The following SH3TC2 variants were observed in gnomAD, a reference collection of about 807,000 sequenced individuals.
SH3TC2 encodes SH3 domain and tetratricopeptide repeat-containing protein 2.
A neutral mutation model predicts 124.5 loss-of-function variants in SH3TC2; 87 were observed. The ratio of observed to expected loss-of-function variants is 0.70; its 90% CI spans 0.59 to 0.84. SH3TC2 has a LOEUF of 0.84. SH3TC2 is among the 40% of genes least tolerant of loss of function. The probability of loss-of-function intolerance (pLI) is 0.00; values close to 1 mark genes in which losing one functional copy is unlikely to be tolerated. For synonymous variants in SH3TC2, 634 were observed against 628.5 expected, an observed-to-expected ratio of 1.01 and a Z score of -0.13; for missense variants, 1,536 against 1,566.4, an observed-to-expected ratio of 0.98 and a Z score of 0.33.
In SH3TC2 at chr5:148,997,279, T is replaced by C. The variant is rs1753527118; in HGVS notation, c.*7432A>G. 6.6e-6 allele frequency among the ~76,000 whole-genome samples: 1 copy of C among 152,220 alleles called. No homozygotes were observed. The highest frequency in any genetic ancestry group is 2.1e-4 in the South Asian group (1 of 4,832). On this transcript the variant is annotated 3_prime_UTR_variant, in exon 17 of 17. Coordinates refer to ENST00000515425, the MANE Select transcript of SH3TC2 (RefSeq NM_024577.4). ...TTCTACGATTGGCTCTGGAGTCTCTTGCAAGTTTCCCTCATTCACCTCACT... is the reference window on the plus strand; with the variant it reads ...TTCTACGATTGGCTCTGGAGTCTCTCGCAAGTTTCCCTCATTCACCTCACT...
In SH3TC2 at chr5:148,982,651, T is replaced by C. The variant is rs2127386350; in HGVS notation, c.*22060A>G. On this transcript the variant is annotated 3_prime_UTR_variant, in exon 17 of 17. Transcript: ENST00000515425. The stretch of plus-strand genomic sequence containing the variant: ...TAAGCAAGGTACAAAGCAGAGTGTA[T>C]AGTATGCTATAATATTTAAAATGGC... Among the ~76,000 whole-genome samples, 1 of 152,310 alleles carries C rather than the reference T, an allele frequency of 6.6e-6. No homozygotes were observed. Among genetic ancestry groups the C allele is most frequent in the African/African-American group, 2.4e-5 (1 of 41,558 alleles).
chr5:149,038,614 C>T, intron 7 of SH3TC2, 124 bp from the exon 8 acceptor site: 2 of 1,031,390 alleles, frequency 1.9e-6, no homozygotes, highest in Non-Finnish European at 3.0e-6. Context: ...AGTAACATTT[C>T]ACTCCCCTCC....
chr5:149,037,417 TCTC>T (rs1198292774), intron 8 of SH3TC2, among the ~76,000 whole-genome samples: 2 of 152,130 alleles, frequency 1.3e-5, no homozygotes, highest in African/African-American at 4.8e-5. Context: ...TAACCTTCTG[TCTC>T]CTCCTCTCCC....
chr5:148,992,876 G>T lies in SH3TC2; in HGVS notation c.*11835C>A, dbSNP rs1426610964. Among the ~76,000 whole-genome samples, 1 of 152,270 alleles carries T rather than the reference G, an allele frequency of 6.6e-6. No individual in the cohort carries two copies. Among genetic ancestry groups the T allele is most frequent in the African/African-American group, 2.4e-5 (1 of 41,544 alleles). On this transcript the variant is annotated 3_prime_UTR_variant, in exon 17 of 17. Transcript: ENST00000515425. ...ATAACATGCACAGCTCATAGGGTTT[G>T]GGTATGGCTTGGAAAATCATCATGC...
In SH3TC2 at chr5:148,998,141, C is replaced by G. The variant is rs1753540972; in HGVS notation, c.*6570G>C. On this transcript the variant is annotated 3_prime_UTR_variant, in exon 17 of 17. Coordinates refer to ENST00000515425, the MANE Select transcript of SH3TC2 (RefSeq NM_024577.4). ...AGAATGTTTTTAAAAATGAATAGAA[C>G]AAAACAGAATGTATGAGTGCATTTC... Among the ~76,000 whole-genome samples the G allele has an allele frequency of 6.6e-6, 1 of 151,918 alleles. No homozygotes were observed. Among genetic ancestry groups the G allele is most frequent in the Admixed American group, 6.6e-5 (1 of 15,266 alleles).
At chr5:149,022,370 T>C (rs894757831) in intron 12 of SH3TC2, among the ~76,000 whole-genome samples, 25 of 151,808 alleles carry the variant, frequency 1.6e-4, no homozygotes, top group Non-Finnish European at 3.2e-4. Flanking sequence ...ATGGCTAAAA[T>C]AAAAAAAAGA....
chr5:149,013,894 A>T (rs1016792486), intron 12 of SH3TC2, among the ~76,000 whole-genome samples: 22 of 152,216 alleles, frequency 1.4e-4, no homozygotes, highest in South Asian at 1.0e-3. Flanking sequence ...TTGCAACTTT[A>T]TGATAGCCTG....
intron 2 of SH3TC2, among the ~76,000 whole-genome samples, chr5:149,048,781 A>G (rs937599819): frequency 1.3e-5 from 2 of 152,220 alleles, no homozygotes; most frequent in Non-Finnish European, 2.9e-5. Context: ...TAATGGGGTC[A>G]AGAGACAGAG....
Position 148,996,179 on chromosome 5 carries a change from G to A in SH3TC2, c.*8532C>T, listed in dbSNP as rs1753507069. Among the ~76,000 whole-genome samples the A allele has an allele frequency of 6.6e-6, 1 of 152,080 alleles. No homozygotes were observed. The highest frequency in any genetic ancestry group is 2.4e-5 in the African/African-American group (1 of 41,404). On this transcript the variant is annotated 3_prime_UTR_variant, in exon 17 of 17. Transcript: ENST00000515425. ...AAGTGGGAGGATCACCCAAGCACCT[G>A]AGTCTAGAAGGTCGAGGTAGCAGTG... is the stretch of plus-strand genomic sequence containing the variant.
chr5:149,026,387 T>C (rs1323031623), intron 12 of SH3TC2, 185 bp downstream of exon 12: 2 of 655,558 alleles, frequency 3.1e-6, no homozygotes, highest in East Asian at 5.3e-5. Context: ...AGAAATTAAA[T>C]AGCTTGCCCA....
intron 1 of SH3TC2, among the ~76,000 whole-genome samples, chr5:149,056,999 T>C (rs929546197): frequency 6.6e-6 from 1 of 151,562 alleles, no homozygotes; most frequent in African/African-American, 2.4e-5. Flanking sequence ...TTTTTGATAC[T>C]TTCATCTACT....
chr5:149,051,390 T>A (rs1210523546), intron 2 of SH3TC2, among the ~76,000 whole-genome samples: 1 of 152,246 alleles, frequency 6.6e-6, no homozygotes, highest in Non-Finnish European at 1.5e-5. Context: ...TAAAGTACTA[T>A]GTTGGGTATC....
At chr5:149,007,827 A>G (rs555865441) in intron 15 of SH3TC2, 1 of 152,550 alleles carries the variant, frequency 6.6e-6, no homozygotes, top group African/African-American at 2.4e-5. Context: ...AGCTTCAAAG[A>G]GCCAAAAGCC....
intron 14 of SH3TC2, 72 bp downstream of exon 14, chr5:149,010,198 C>T: frequency 6.2e-7 from 1 of 1,610,798 alleles, no homozygotes; most frequent in Non-Finnish European, 8.5e-7. Context: ...GGGACTCAGG[C>T]CGAAGTCCAG....
At position 149,050,689 on chromosome 5, in the gene SH3TC2, T is replaced by C. The variant is rs138872299; in HGVS notation, c.151+1453A>G. On this transcript the variant is annotated intron_variant, in intron 2 of 16. Transcript: ENST00000515425. ...TTGTCAACCAAGAAGTTTGACAGAA[T>C]TTGAAATTGGGCTTATGGCTATACC... Among the ~76,000 whole-genome samples, 463 of 152,306 alleles carry C rather than the reference T, an allele frequency of 3.0e-3. 2 individuals carry two copies. The highest frequency in any genetic ancestry group is 0.011 in the African/African-American group (443 of 41,582).
chr5:148,994,269 G>A lies in SH3TC2; in HGVS notation c.*10442C>T, dbSNP rs954713874. 6.6e-6 allele frequency among the ~76,000 whole-genome samples: 1 copy of A among 152,146 alleles called. No homozygotes were observed. The highest frequency in any genetic ancestry group is 1.5e-5 in the Non-Finnish European group (1 of 68,038). Reference sequence around the variant, plus strand: ...GTAAGATTAATCTCTTAACCTCTTTGAACTCATTTCTTCACATGTGTTATG... The same window carrying A: ...GTAAGATTAATCTCTTAACCTCTTTAAACTCATTTCTTCACATGTGTTATG... On this transcript the variant is annotated 3_prime_UTR_variant, in exon 17 of 17. Coordinates refer to ENST00000515425, the MANE Select transcript of SH3TC2 (RefSeq NM_024577.4).
At position 149,031,804 on chromosome 5, in the gene SH3TC2, C is replaced by T. The variant is rs1262703922; in HGVS notation, c.1002-117G>A. 16 of 1,386,352 alleles carry T rather than the reference C, an allele frequency of 1.2e-5. No homozygotes were observed. The East Asian group carries it at 1.2e-4, about 10-fold the overall frequency. The allele number at this position is 1,386,352 out of a possible 1,614,324, so 85.9% of individuals were successfully genotyped here. Reference sequence around the variant, plus strand: ...CAGAAAAGTCATCAAACCAACTTCCCGCAAATGAAATTAGATTCCTCATCT... The same window carrying T: ...CAGAAAAGTCATCAAACCAACTTCCTGCAAATGAAATTAGATTCCTCATCT... On this transcript the variant is annotated intron_variant, in intron 8 of 16. Coordinates refer to ENST00000515425, the MANE Select transcript of SH3TC2 (RefSeq NM_024577.4).
intron 12 of SH3TC2, among the ~76,000 whole-genome samples, chr5:149,025,337 G>A (rs888556556): frequency 6.6e-6 from 1 of 152,132 alleles, no homozygotes; most frequent in Non-Finnish European, 1.5e-5. Flanking sequence ...GAAAGAGAAG[G>A]GGGAGTGGAA....
intron 12 of SH3TC2, among the ~76,000 whole-genome samples, chr5:149,023,459 C>A (rs1014113589): frequency 6.6e-6 from 1 of 151,738 alleles, no homozygotes; most frequent in South Asian, 2.1e-4. Context: ...CTTTAAAATG[C>A]ATGAAATATT....
Sources: gnomAD v4.1 joint callset for allele counts (sites outside exome capture counted in the v4.1 genomes callset) on GRCh38, gnomAD v4.1.1 for gene constraint, MANE v1.5 for transcripts, NCBI Gene and HGNC (gene_info 2026-07-23, HGNC 2026-07-21) for gene names.